DLG2: variants seen among roughly 807,000 people sequenced by gnomAD.
The protein encoded by DLG2 is discs large MAGUK scaffold protein 2.
Under a neutral mutation model 132.5 loss-of-function variants are expected in DLG2, and 45 were observed. The observed-to-expected ratio is 0.34, with a 90% CI of 0.27 to 0.44. DLG2 has a LOEUF of 0.44. Among genes scored for constraint, DLG2 ranks in the 20% least tolerant of loss-of-function variants. DLG2 has a pLI of 1.00. For missense variants in DLG2, 1,045 were observed against 1,196.9 expected (o/e 0.87, Z 1.87); for synonymous variants, 424 against 419.6 (o/e 1.01, Z -0.13).
At chr11:84,410,833 G>T (rs1464222324) in intron 7 of DLG2, among the ~76,000 whole-genome samples, 3 of 151,952 alleles carry the variant, frequency 2.0e-5, no homozygotes, top group Non-Finnish European at 4.4e-5. Context: ...ACCTGCTTCA[G>T]CCTCCCAAAC....
At chr11:84,889,108 C>CTTTTA (rs2088861443) in intron 6 of DLG2, among the ~76,000 whole-genome samples, 1 of 61,208 alleles carries the variant, frequency 1.6e-5, no homozygotes. Flanking sequence ...ACATTAAAAT[C>CTTTTA]TCTTAAACTT....
intron 17 of DLG2, chr11:83,791,492 T>C: frequency 1.5e-6 from 1 of 673,828 alleles, no homozygotes; most frequent in Non-Finnish European, 2.8e-6. Flanking sequence ...CTAGCGATGG[T>C]TGTTGTACTA....
rs558597260 is a variant in DLG2, at chr11:84,533,905, CAAAAAAAAAAAAAAAAA to C, written c.519+648_519+664del. Among the ~76,000 whole-genome samples, 27 of 70,284 alleles carry C rather than the reference CAAAAAAAAAAAAAAAAA, an allele frequency of 3.8e-4. No individual in the cohort carries two copies. In the South Asian group the frequency reaches 6.8e-3, roughly 18 times the overall value. The allele number at this position is 70,284 out of a possible 152,430, so 46.1% of individuals were successfully genotyped here. On this transcript the variant is annotated intron_variant, in intron 7 of 27. Coordinates refer to ENST00000376104, the MANE Select transcript of DLG2 (RefSeq NM_001142699.3). Reference sequence around the variant, plus strand: ...CAAAATCCAGTAGCGCCAGTTCAGCCAAAAAAAAAAAAAAAAAAAAAAAAAAAAAAAATCAGAGTAAT... The same window carrying C: ...CAAAATCCAGTAGCGCCAGTTCAGCCAAAAAAAAAAAAAAATCAGAGTAAT...
Position 84,534,639 on chromosome 11 carries a change from T to C in DLG2, c.450A>G (p.Ser150=), listed in dbSNP as rs780039167. The C allele has an allele frequency of 1.1e-5, 17 of 1,614,104 alleles. No homozygotes were observed. The highest frequency in any genetic ancestry group is 2.2e-5 in the South Asian group (2 of 91,082). ...TTTCTATTTGAGAGAGGTTCTTTTC[T>C]GATACATGCACGAGTTCTGGGCCTC... is the stretch of plus-strand genomic sequence containing the variant. ...EVRGPELVHV[S]EKNLSQIENV... The change falls in exon 7 of 28, where the codon TCA becomes TCG. Residue 150 remains serine, a synonymous_variant. Coordinates refer to ENST00000376104, the MANE Select transcript of DLG2 (RefSeq NM_001142699.3).
Position 83,554,952 on chromosome 11 carries a change from G to A in DLG2, c.1941-13094C>T, listed in dbSNP as rs545063715. ...TGAATAACAGAAACAAGGCACTTTT[G>A]GAATTTAGAGACAAAACAGATGTAG... is the stretch of plus-strand genomic sequence containing the variant. On this transcript the variant is annotated intron_variant, in intron 19 of 27. Transcript: ENST00000376104. Among the ~76,000 whole-genome samples the A allele has an allele frequency of 4.6e-5, 7 of 152,318 alleles. No individual in the cohort carries two copies. In the South Asian group the frequency reaches 1.4e-3, roughly 32 times the overall value.
At chr11:85,006,813 T>G (rs1047825637) in intron 6 of DLG2, among the ~76,000 whole-genome samples, 7 of 152,072 alleles carry the variant, frequency 4.6e-5, no homozygotes, top group Non-Finnish European at 8.8e-5. Flanking sequence ...TCTTTTTAAT[T>G]GTGATGTTAG....
At chr11:85,055,535 G>C (rs2063362551) in intron 6 of DLG2, among the ~76,000 whole-genome samples, 1 of 152,122 alleles carries the variant, frequency 6.6e-6, no homozygotes, top group Non-Finnish European at 1.5e-5. Flanking sequence ...CAGAGCTTTT[G>C]GCAGTCTCAA....
intron 3 of DLG2, among the ~76,000 whole-genome samples, chr11:85,429,648 C>A (rs1404941726): frequency 6.6e-6 from 1 of 152,152 alleles, no homozygotes; most frequent in Admixed American, 6.5e-5. Flanking sequence ...CAAATCAAAA[C>A]CACAATGAGA....
intron 3 of DLG2, among the ~76,000 whole-genome samples, chr11:85,448,147 A>G (rs2092090887): frequency 6.6e-6 from 1 of 152,212 alleles, no homozygotes; most frequent in African/African-American, 2.4e-5. Context: ...ACTTGAAAGT[A>G]CCTTACAATG....
At chr11:84,276,456 C>T (rs867156008) in intron 7 of DLG2, among the ~76,000 whole-genome samples, 1 of 152,132 alleles carries the variant, frequency 6.6e-6, no homozygotes, top group Non-Finnish European at 1.5e-5. Context: ...GTTTAACAAA[C>T]ATTTATTGAG....
chr11:85,217,318 T>TCACACACACACACA lies in DLG2; in HGVS notation c.187-62681_187-62668dup, dbSNP rs56718906. Among the ~76,000 whole-genome samples, 13 of 144,036 alleles carry TCACACACACACACA rather than the reference T, an allele frequency of 9.0e-5. No individual in the cohort carries two copies. The South Asian group carries it at 1.4e-3, about 15-fold the overall frequency. 94.5% of individuals were successfully genotyped at this position (144,036 alleles called of 152,430 possible). A position where few individuals can be genotyped will look rare whatever the true frequency, so the allele number is the denominator to read the frequency against. On this transcript the variant is annotated intron_variant, in intron 4 of 27. Coordinates refer to ENST00000376104, the MANE Select transcript of DLG2 (RefSeq NM_001142699.3). ...CCATCACCTAGATTCTCTCTCTCTCTCACACACACACACACACACACACAC... is the reference window on the plus strand; with the variant it reads ...CCATCACCTAGATTCTCTCTCTCTCTCACACACACACACACACACACACACACACACACACACAC...
intron 16 of DLG2, among the ~76,000 whole-genome samples, chr11:83,861,951 C>G (rs552900876): frequency 6.6e-6 from 1 of 152,208 alleles, no homozygotes; most frequent in Non-Finnish European, 1.5e-5. Context: ...GCTTATTTCA[C>G]ATTGCATCCT....
chr11:84,383,958 C>A (rs1447767688), intron 7 of DLG2, among the ~76,000 whole-genome samples: 1 of 151,684 alleles, frequency 6.6e-6, no homozygotes, highest in Non-Finnish European at 1.5e-5. Context: ...TGGGCTCCTA[C>A]TGCACTTTTC....
At chr11:85,364,338 AG>A in intron 3 of DLG2, among the ~76,000 whole-genome samples, 1 of 152,178 alleles carries the variant, frequency 6.6e-6, no homozygotes, top group Non-Finnish European at 1.5e-5. Flanking sequence ...GCCAGTATGC[AG>A]AGCAGACTGG....
intron 19 of DLG2, among the ~76,000 whole-genome samples, chr11:83,582,661 T>C (rs2097002239): frequency 6.6e-6 from 1 of 152,224 alleles, no homozygotes; most frequent in Non-Finnish European, 1.5e-5. Context: ...ATAAGTCTGC[T>C]ATAGGCCTTA....
At chr11:85,222,550 C>T (rs1467769477) in intron 4 of DLG2, among the ~76,000 whole-genome samples, 1 of 152,002 alleles carries the variant, frequency 6.6e-6, no homozygotes, top group Non-Finnish European at 1.5e-5. Context: ...TCAGAACAGC[C>T]CTCATATGAT....
At chr11:84,165,796 G>A (rs2095648508) in intron 8 of DLG2, among the ~76,000 whole-genome samples, 1 of 152,096 alleles carries the variant, frequency 6.6e-6, no homozygotes, top group African/African-American at 2.4e-5. Flanking sequence ...TACTTCAGAG[G>A]CTGAGGCAGA....
intron 6 of DLG2, among the ~76,000 whole-genome samples, chr11:84,960,796 T>TTGA (rs780720742): frequency 2.0e-5 from 3 of 152,042 alleles, no homozygotes; most frequent in East Asian, 1.9e-4. Flanking sequence ...ATACTGATTT[T>TTGA]TGATGATGAT....
intron 11 of DLG2, among the ~76,000 whole-genome samples, chr11:83,999,911 C>T (rs1298600836): frequency 2.0e-5 from 3 of 151,522 alleles, no homozygotes; most frequent in Non-Finnish European, 2.9e-5. Flanking sequence ...GAAGAAGTGA[C>T]TTATACCAGA....
Sources: gnomAD v4.1 joint callset for allele counts (sites outside exome capture counted in the v4.1 genomes callset) on GRCh38, gnomAD v4.1.1 for gene constraint, MANE v1.5 for transcripts, NCBI Gene and HGNC (gene_info 2026-07-23, HGNC 2026-07-21) for gene names.